GPR158: variants seen among roughly 807,000 people sequenced by gnomAD.
GPR158 encodes the protein G protein-coupled receptor 158.
A neutral mutation model predicts 78.2 loss-of-function variants in GPR158; 30 were observed. The observed-to-expected ratio is 0.38, with a 90% CI of 0.29 to 0.52. The LOEUF (loss-of-function observed/expected upper bound fraction) is 0.52. Among genes scored for constraint, GPR158 ranks in the 20% least tolerant of loss-of-function variants. GPR158 has a pLI of 0.83. For synonymous variants in GPR158, 581 were observed against 591.1 expected (o/e 0.98, Z 0.25); for missense variants, 1,463 against 1,523.5 (o/e 0.96, Z 0.66).
At chr10:25,580,915 TTTATTTTA>T (rs1564496590) in intron 7 of GPR158, among the ~76,000 whole-genome samples, 8 of 85,982 alleles carry the variant, frequency 9.3e-5, no homozygotes, top group Non-Finnish European at 9.4e-5. Flanking sequence ...TTTATTTTAT[TTTATTTTA>T]TTTTATTTTT....
chr10:25,427,709 T>C (rs556834590), intron 4 of GPR158, among the ~76,000 whole-genome samples: 3 of 152,256 alleles, frequency 2.0e-5, no homozygotes, highest in Non-Finnish European at 2.9e-5. Flanking sequence ...GAAAATCTTA[T>C]ACTTGATATG....
chr10:25,302,394 T>G (rs1013937454), intron 2 of GPR158, among the ~76,000 whole-genome samples: 1 of 152,102 alleles, frequency 6.6e-6, no homozygotes, highest in Non-Finnish European at 1.5e-5. Flanking sequence ...ATTTGTTCCT[T>G]TTTATTGCTG....
intron 1 of GPR158, among the ~76,000 whole-genome samples, chr10:25,210,295 A>C (rs1853110208): frequency 6.6e-6 from 1 of 152,202 alleles, no homozygotes; most frequent in African/African-American, 2.4e-5. Context: ...ATGTTGCTAC[A>C]TATACAACCA....
chr10:25,554,752 G>A (rs554373331), intron 6 of GPR158, among the ~76,000 whole-genome samples: 59 of 152,210 alleles, frequency 3.9e-4, no homozygotes, highest in African/African-American at 1.1e-3. Flanking sequence ...GTTGGGGTTC[G>A]GGGTGAAGTG....
chr10:25,600,256 A>G lies in GPR158; in HGVS notation c.*982A>G, dbSNP rs1425817439. The G allele has an allele frequency of 1.3e-5, 2 of 152,644 alleles. No individual in the cohort carries two copies. Among genetic ancestry groups the G allele is most frequent in the Admixed American group, 6.5e-5 (1 of 15,286 alleles). The allele number at this position is 152,644 out of a possible 1,614,324, so 9.5% of individuals were successfully genotyped here. ...AAAGTCAGAGATAGATAACGCCTTC[A>G]TTCCAATTAATTGTCCCTTTTAACT... is the stretch of plus-strand genomic sequence containing the variant. On this transcript the variant is annotated 3_prime_UTR_variant, in exon 11 of 11. Coordinates refer to ENST00000376351, the MANE Select transcript of GPR158 (RefSeq NM_020752.3).
At chr10:25,569,996 G>A (rs1358353206) in intron 6 of GPR158, among the ~76,000 whole-genome samples, 1 of 152,076 alleles carries the variant, frequency 6.6e-6, no homozygotes, top group Non-Finnish European at 1.5e-5. Flanking sequence ...ACCATTTTAT[G>A]TTTTTCTGCC....
chr10:25,373,520 A>C (rs1287259242), intron 2 of GPR158, among the ~76,000 whole-genome samples: 1 of 151,870 alleles, frequency 6.6e-6, no homozygotes, highest in Non-Finnish European at 1.5e-5. Flanking sequence ...GGGTTTATAC[A>C]ATATTGTTTT....
intron 5 of GPR158, among the ~76,000 whole-genome samples, chr10:25,507,282 A>G (rs1836025992): frequency 6.6e-6 from 1 of 152,246 alleles, no homozygotes; most frequent in South Asian, 2.1e-4. Flanking sequence ...AGAGAAGAAT[A>G]TTTTTGAACA....
intron 7 of GPR158, among the ~76,000 whole-genome samples, chr10:25,577,953 A>G (rs1837127683): frequency 6.6e-6 from 1 of 152,248 alleles, no homozygotes; most frequent in South Asian, 2.1e-4. Context: ...CAGAGTAGTC[A>G]GTTTTTCTTA....
rs138564507 is a variant in GPR158, at chr10:25,294,791, C to G, written c.1008+73634C>G. On this transcript the variant is annotated intron_variant, in intron 2 of 10. Coordinates refer to ENST00000376351, the MANE Select transcript of GPR158 (RefSeq NM_020752.3). ...ATGGAAGCTCTTAGGCATTGATACT[C>G]TGTTTGCCTTTTAAAACATAAGGTT... 2.1e-4 allele frequency among the ~76,000 whole-genome samples: 28 copies of G among 135,240 alleles called. No homozygotes were observed. In the East Asian group the frequency reaches 5.6e-3, roughly 27 times the overall value. The allele number at this position is 135,240 out of a possible 152,430, so 88.7% of individuals were successfully genotyped here. A position where few individuals can be genotyped will look rare whatever the true frequency, so the allele number is the denominator to read the frequency against.
intron 10 of GPR158, among the ~76,000 whole-genome samples, chr10:25,597,391 T>C (rs1424198011): frequency 1.3e-5 from 2 of 152,212 alleles, no homozygotes; most frequent in African/African-American, 4.8e-5. Context: ...ACAACTTGAA[T>C]GTACAAAGTG....
At chr10:25,369,029 A>C (rs2130545696) in intron 2 of GPR158, among the ~76,000 whole-genome samples, 1 of 151,172 alleles carries the variant, frequency 6.6e-6, no homozygotes, top group Admixed American at 6.6e-5. Context: ...TTGTATCCTG[A>C]GACTTTGCTG....
intron 1 of GPR158, among the ~76,000 whole-genome samples, chr10:25,213,449 T>C (rs916679667): frequency 2.0e-5 from 3 of 152,216 alleles, no homozygotes; most frequent in African/African-American, 7.2e-5. Context: ...CTAAAACAAC[T>C]TTTCATTCTG....
chr10:25,424,293 G>T (rs1834790487), intron 4 of GPR158, among the ~76,000 whole-genome samples: 1 of 151,930 alleles, frequency 6.6e-6, no homozygotes, highest in Admixed American at 6.6e-5. Context: ...TTGTCAGATG[G>T]GTAGACTGCA....
At chr10:25,538,730 G>A (rs1192877220) in intron 5 of GPR158, among the ~76,000 whole-genome samples, 1 of 152,088 alleles carries the variant, frequency 6.6e-6, no homozygotes, top group East Asian at 1.9e-4. Context: ...ATACATTTTA[G>A]GTGCTGCTTA....
rs200716210 is a variant in GPR158 at position 25,190,330 on chromosome 10, G to GTTATTATTATTA, written c.902+14017_902+14028dup. The stretch of plus-strand genomic sequence containing the variant: ...TGAAATGTTATATTACATAGACATT[G>GTTATTATTATTA]TTATTATTATTATTATTATTGAGAC... On this transcript the variant is annotated intron_variant, in intron 1 of 10. Transcript: ENST00000376351. Among the ~76,000 whole-genome samples, 3 of 151,450 alleles carry GTTATTATTATTA rather than the reference G, an allele frequency of 2.0e-5. 1 individual carries two copies. Among genetic ancestry groups the GTTATTATTATTA allele is most frequent in the African/African-American group, 7.3e-5 (3 of 41,230 alleles).
chr10:25,214,466 A>G (rs962761081), intron 1 of GPR158, among the ~76,000 whole-genome samples: 1 of 152,124 alleles, frequency 6.6e-6, no homozygotes, highest in African/African-American at 2.4e-5. Flanking sequence ...TTACATAACC[A>G]TGGCAAAATT....
intron 8 of GPR158, among the ~76,000 whole-genome samples, chr10:25,591,372 G>C (rs920579955): frequency 1.3e-5 from 2 of 152,200 alleles, no homozygotes; most frequent in South Asian, 4.1e-4. Flanking sequence ...AAGGTGACGG[G>C]AAGTACATGT....
chr10:25,256,950 T>G (rs1853897051), intron 2 of GPR158, among the ~76,000 whole-genome samples: 1 of 152,202 alleles, frequency 6.6e-6, no homozygotes, highest in African/African-American at 2.4e-5. Flanking sequence ...ATGTTTTCCC[T>G]AAAAGAAAAA....
Sources: gnomAD v4.1 joint callset for allele counts (sites outside exome capture counted in the v4.1 genomes callset) on GRCh38, gnomAD v4.1.1 for gene constraint, MANE v1.5 for transcripts, NCBI Gene and HGNC (gene_info 2026-07-23, HGNC 2026-07-21) for gene names.